Variants in TMEM175 observed in about 807,000 individuals in gnomAD.
The protein encoded by TMEM175 is endosomal/lysosomal proton channel TMEM175.
TMEM175 carries 36 observed loss-of-function variants against 36.5 expected under a neutral mutation model. The observed-to-expected ratio is 0.99, with a 90% CI of 0.76 to 1.30. The LOEUF (loss-of-function observed/expected upper bound fraction) is 1.30, where lower values mean the gene tolerates loss of function less well. Among genes scored for constraint, TMEM175 ranks in the 50% most tolerant of loss-of-function variants. TMEM175 has a pLI of 0.00. For missense variants in TMEM175, 705 were observed against 692.8 expected, an observed-to-expected ratio of 1.02 and a Z score of -0.20; for synonymous variants, 339 against 313.4, an observed-to-expected ratio of 1.08 and a Z score of -0.86.
intron 8 of TMEM175, among the ~76,000 whole-genome samples, 181 bp downstream of exon 8, chr4:953,535 C>G (rs1008100610): frequency 6.6e-6 from 1 of 152,218 alleles, no homozygotes; most frequent in African/African-American, 2.4e-5. Context: ...GAGGCCTGCT[C>G]CACCTGAGGC....
At chr4:948,770 T>C (rs984415741) in intron 3 of TMEM175, among the ~76,000 whole-genome samples, 1 of 152,210 alleles carries the variant, frequency 6.6e-6, no homozygotes, top group East Asian at 1.9e-4. Flanking sequence ...CGGCCCAAGC[T>C]TCATGGGTGC....
At chr4:948,417 AAGGC>A (rs1209514929) in intron 3 of TMEM175, 1 of 1,516,838 alleles carries the variant, frequency 6.6e-7, no homozygotes, top group African/African-American at 1.4e-5. Flanking sequence ...TCAGTGGACA[AAGGC>A]AGCACCCTGG....
At chr4:956,374 C>G in intron 10 of TMEM175, 1 of 1,291,078 alleles carries the variant, frequency 7.7e-7, no homozygotes, top group Non-Finnish European at 1.0e-6. Flanking sequence ...TCCTCCGCGG[C>G]CTCATCTGCC....
chr4:958,018 C>T lies in TMEM175; in HGVS notation c.1037C>T (p.Thr346Met), dbSNP rs748372755. ...ACGCGGGCCATGGGGCTGCTGAACA[C>T]GCTCTCGCTGGCCTTCGTGGGTGGC... is the stretch of plus-strand genomic sequence containing the variant. Reference protein sequence around the residue: ...KATRAMGLLNTLSLAFVGGLP... With the variant: ...KATRAMGLLNMLSLAFVGGLP... Residue 346 changes from threonine to methionine, a missense_variant, in exon 11 of 11, where the codon ACG becomes ATG. Coordinates refer to ENST00000264771, the MANE Select transcript of TMEM175 (RefSeq NM_032326.4). 1.9e-5 allele frequency: 30 copies of T among 1,612,134 alleles called. 2 individuals carry two copies. Among genetic ancestry groups the T allele is most frequent in the Middle Eastern group, 1.6e-4 (1 of 6,082 alleles).
In TMEM175 at chr4:958,149, C is replaced by G. The variant is rs778024898; in HGVS notation, c.1168C>G (p.Gln390Glu). Residue 390 changes from glutamine to glutamate, a missense_variant, in exon 11 of 11, where the codon CAG (glutamine) becomes GAG (glutamate). Gln to Glu is a conservative substitution (Grantham distance 29). Coordinates refer to ENST00000264771, the MANE Select transcript of TMEM175 (RefSeq NM_032326.4). ...CTIIFLASIFQLAMWTTALLH... is the reference protein window; with the variant it reads ...CTIIFLASIFELAMWTTALLH... ...CATCATCTTCCTGGCCAGCATCTTC[C>G]AGCTGGCCATGTGGACCACGGCGCT... The G allele has an allele frequency of 2.5e-6, 4 of 1,603,354 alleles. No individual in the cohort carries two copies. The East Asian group carries it at 8.9e-5, about 36-fold the overall frequency.
intron 1 of TMEM175, among the ~76,000 whole-genome samples, chr4:941,129 A>G (rs1477276645): frequency 5.4e-5 from 8 of 149,104 alleles, no homozygotes; most frequent in Admixed American, 3.3e-4. Context: ...TGTAATCCCA[A>G]CACTTTGGGA....
Position 958,294 on chromosome 4 carries a change from G to C in TMEM175, c.1313G>C (p.Cys438Ser). 1 of 1,606,106 alleles carries C rather than the reference G, an allele frequency of 6.2e-7. No homozygotes were observed. Among genetic ancestry groups the C allele is most frequent in the Non-Finnish European group, 8.5e-7 (1 of 1,179,758 alleles). The change falls in exon 11 of 11, where the codon TGC (cysteine) becomes TCC (serine). Residue 438 changes from cysteine (C) to serine (S), a missense_variant. Cys to Ser is a moderately radical substitution (Grantham distance 112, BLOSUM62 -1). Transcript: ENST00000264771. ...AGCCTGCTGGCCTTCGCCTCCACCTGCCTGCTGAGCAGGTTCAGTGTGGGC... is the reference window on the plus strand; with the variant it reads ...AGCCTGCTGGCCTTCGCCTCCACCTCCCTGCTGAGCAGGTTCAGTGTGGGC... Reference protein sequence around the residue: ...CASLLAFASTCLLSRFSVGIF... With the variant: ...CASLLAFASTSLLSRFSVGIF...
At chr4:953,050 G>A (rs1406596584) in intron 7 of TMEM175, 140 bp from the exon 8 acceptor site, 20 of 812,088 alleles carry the variant, frequency 2.5e-5, no homozygotes, top group South Asian at 1.7e-4. Context: ...ACCCCTGTGC[G>A]CGCGTGCCAT....
chr4:955,105 AC>A (rs1399819531), intron 8 of TMEM175, among the ~76,000 whole-genome samples: 3 of 152,010 alleles, frequency 2.0e-5, no homozygotes, highest in Non-Finnish European at 4.4e-5. Flanking sequence ...GTCACACCTG[AC>A]TAATTTTTTA....
chr4:955,673 T>C, intron 9 of TMEM175, 82 bp from the exon 10 acceptor site: 3 of 1,558,790 alleles, frequency 1.9e-6, no homozygotes, highest in Non-Finnish European at 2.6e-6. Flanking sequence ...GGCCTCTTCA[T>C]GGATGAGGGC....
chr4:956,668 T>A (rs964008896), intron 10 of TMEM175: 30 of 366,598 alleles, frequency 8.2e-5, no homozygotes, highest in Non-Finnish European at 1.4e-4. Flanking sequence ...GGTCTTGAAC[T>A]CCTGACCTCA....
chr4:948,334 G>C (rs1490758037), intron 3 of TMEM175, 180 bp downstream of exon 3: 1 of 1,539,970 alleles, frequency 6.5e-7, no homozygotes, highest in Non-Finnish European at 8.7e-7. Context: ...TGCTCAGCCT[G>C]TGCTCACCCC....
chr4:952,710 T>C (rs1349200747), intron 7 of TMEM175, among the ~76,000 whole-genome samples: 1 of 150,104 alleles, frequency 6.7e-6, no homozygotes, highest in East Asian at 2.0e-4. Context: ...TGTGTGTGTG[T>C]GCGTGTGTGT....
In TMEM175 at chr4:932,500, C is replaced by A; in HGVS notation, c.-72C>A. On this transcript the variant is annotated 5_prime_UTR_variant, in exon 1 of 11. Transcript: ENST00000264771. The surrounding 1 kb of genome is among the most constrained non-coding windows in gnomAD (Gnocchi z 4.0). The stretch of plus-strand genomic sequence containing the variant: ...AAGCTCCCGGCCGGGCTGACTCAAG[C>A]GGAGGCGCGCGGAACAGTCGCCGAG... 2.1e-6 allele frequency: 1 copy of A among 468,226 alleles called. No homozygotes were observed. Among genetic ancestry groups the A allele is most frequent in the Non-Finnish European group, 3.7e-6 (1 of 271,122 alleles). The allele number at this position is 468,226 out of a possible 1,614,324, so 29.0% of individuals were successfully genotyped here. A position where few individuals can be genotyped will look rare whatever the true frequency, so the allele number is the denominator to read the frequency against.
At chr4:949,705 T>C (rs1259504885) in intron 3 of TMEM175, among the ~76,000 whole-genome samples, 1 of 141,610 alleles carries the variant, frequency 7.1e-6, no homozygotes, top group East Asian at 1.9e-4. Context: ...CATGAAAACC[T>C]TCCCAGGGCT....
chr4:951,089 T>C (rs1043513481), intron 4 of TMEM175, 118 bp from the exon 5 acceptor site: 9 of 1,020,578 alleles, frequency 8.8e-6, no homozygotes, highest in Non-Finnish European at 1.2e-5. Context: ...AGTTTATATT[T>C]GGTTAACAGT....
At chr4:942,360 C>T (rs182224714) in intron 1 of TMEM175, among the ~76,000 whole-genome samples, 5 of 152,212 alleles carry the variant, frequency 3.3e-5, no homozygotes, top group Admixed American at 2.0e-4. Flanking sequence ...CCACCATGCC[C>T]GGCCCGAATT....
At chr4:937,412 A>C (rs1484181884) in intron 1 of TMEM175, among the ~76,000 whole-genome samples, 1 of 152,078 alleles carries the variant, frequency 6.6e-6, no homozygotes, top group Non-Finnish European at 1.5e-5. Flanking sequence ...CAAAATACAA[A>C]AATTACCCAG....
chr4:956,806 T>C (rs1729716019), intron 10 of TMEM175: 1 of 299,266 alleles, frequency 3.3e-6, no homozygotes, highest in Admixed American at 5.1e-5. Flanking sequence ...TGTTCCCTCG[T>C]CATAGTTCAG....
Sources: allele counts gnomAD v4.1 joint callset (sites outside exome capture counted in the v4.1 genomes callset), GRCh38; gene constraint gnomAD v4.1.1; non-coding constraint Gnocchi (gnomAD v3.1); transcripts MANE v1.5; gene names NCBI Gene and HGNC (gene_info 2026-07-23, HGNC 2026-07-21).